Variants in CHRM3 observed in about 807,000 individuals in gnomAD.
CHRM3 encodes muscarinic acetylcholine receptor M3.
A neutral mutation model predicts 41.8 loss-of-function variants in CHRM3; 11 were observed. That is an observed-to-expected ratio of 0.26 (90% confidence interval 0.17 to 0.44). The LOEUF (loss-of-function observed/expected upper bound fraction) is 0.44, where lower values mean the gene tolerates loss of function less well. Among genes scored for constraint, CHRM3 ranks in the 20% least tolerant of loss-of-function variants. The pLI is 1.00. For missense variants in CHRM3, 571 were observed against 745.4 expected, an observed-to-expected ratio of 0.77 and a Z score of 2.72; for synonymous variants, 297 against 301.4, an observed-to-expected ratio of 0.99 and a Z score of 0.15.
At chr1:239,866,325 T>A (rs575718637) in intron 6 of CHRM3, among the ~76,000 whole-genome samples, 2 of 151,598 alleles carry the variant, frequency 1.3e-5, no homozygotes, top group Non-Finnish European at 2.9e-5. Context: ...TGCAGTGAGC[T>A]GAGATCGGAG....
chr1:239,762,602 C>T (rs543527970), intron 5 of CHRM3, among the ~76,000 whole-genome samples: 1 of 152,088 alleles, frequency 6.6e-6, no homozygotes, highest in Non-Finnish European at 1.5e-5. Flanking sequence ...TGCTTTCTCC[C>T]CTGTAGTTTT....
At chr1:239,533,985 T>C (rs994711757) in intron 2 of CHRM3, among the ~76,000 whole-genome samples, 1 of 152,088 alleles carries the variant, frequency 6.6e-6, no homozygotes, top group African/African-American at 2.4e-5. Context: ...TTGCTAGTTA[T>C]GGGGAGGCTC....
chr1:239,774,445 G>A (rs1667938371), intron 5 of CHRM3, among the ~76,000 whole-genome samples: 3 of 152,100 alleles, frequency 2.0e-5, no homozygotes, highest in Admixed American at 2.0e-4. Context: ...TCAATGTGGG[G>A]AAAAGAAAGA....
chr1:239,794,440 G>C (rs1414824482), intron 5 of CHRM3, among the ~76,000 whole-genome samples: 1 of 145,130 alleles, frequency 6.9e-6, no homozygotes, highest in Non-Finnish European at 1.5e-5. Context: ...ATTTGGGTTA[G>C]ATGATTTACT....
intron 6 of CHRM3, among the ~76,000 whole-genome samples, chr1:239,899,251 T>C (rs1679275875): frequency 6.6e-6 from 1 of 151,444 alleles, no homozygotes; most frequent in Non-Finnish European, 1.5e-5. Context: ...ATTGGCCCAC[T>C]AATTGGCTCT....
chr1:239,533,750 A>C (rs1657912691), intron 2 of CHRM3, among the ~76,000 whole-genome samples: 2 of 74,136 alleles, frequency 2.7e-5, no homozygotes, highest in Non-Finnish European at 5.6e-5. Flanking sequence ...AAAAAAAAAA[A>C]CAAAAAAACC....
At chr1:239,827,069 C>T (rs992925176) in intron 5 of CHRM3, 183 bp from the exon 6 acceptor site, 20 of 152,320 alleles carry the variant, frequency 1.3e-4, no homozygotes, top group African/African-American at 4.6e-4. Flanking sequence ...CAGAACCAAA[C>T]ATTAACACTT....
At chr1:239,839,110 T>C (rs965381524) in intron 6 of CHRM3, among the ~76,000 whole-genome samples, 2 of 152,182 alleles carry the variant, frequency 1.3e-5, no homozygotes, top group Admixed American at 6.5e-5. Flanking sequence ...CAAAATACTT[T>C]TTCCTCCAAA....
At chr1:239,418,715 C>A (rs1661699452) in intron 1 of CHRM3, among the ~76,000 whole-genome samples, 1 of 152,172 alleles carries the variant, frequency 6.6e-6, no homozygotes, top group Non-Finnish European at 1.5e-5. Flanking sequence ...ATTCTCTTTG[C>A]CCTCAAAGTG....
intron 1 of CHRM3, among the ~76,000 whole-genome samples, chr1:239,466,754 G>A (rs756285827): frequency 3.3e-5 from 5 of 151,966 alleles, no homozygotes; most frequent in Middle Eastern, 3.2e-3. Context: ...ATGAGCCACC[G>A]TATCTAGCCG....
At chr1:239,631,122 A>G (rs971081128) in intron 3 of CHRM3, among the ~76,000 whole-genome samples, 2 of 152,204 alleles carry the variant, frequency 1.3e-5, no homozygotes, top group Admixed American at 1.3e-4. Context: ...TCTCAAACTG[A>G]AGAAGGAGCA....
intron 3 of CHRM3, among the ~76,000 whole-genome samples, chr1:239,571,616 G>T (rs1194048582): frequency 6.6e-6 from 1 of 152,078 alleles, no homozygotes; most frequent in Non-Finnish European, 1.5e-5. Flanking sequence ...ATTCCCTGTG[G>T]CCCTTACAGC....
chr1:239,665,010 T>C (rs1001878373), intron 4 of CHRM3, among the ~76,000 whole-genome samples: 2 of 152,038 alleles, frequency 1.3e-5, no homozygotes, highest in African/African-American at 4.8e-5. Context: ...AGCAGATCTG[T>C]CTCTGTGTGC....
chr1:239,803,137 A>G (rs1414655783), intron 5 of CHRM3, among the ~76,000 whole-genome samples: 1 of 152,148 alleles, frequency 6.6e-6, no homozygotes, highest in Non-Finnish European at 1.5e-5. Flanking sequence ...TGGGGGTAAC[A>G]TGGTGAAGGC....
intron 1 of CHRM3, among the ~76,000 whole-genome samples, chr1:239,428,383 G>T (rs1420217208): frequency 1.3e-5 from 2 of 152,222 alleles, no homozygotes; most frequent in African/African-American, 2.4e-5. Flanking sequence ...GCAAAATATG[G>T]CCTGGCTGTG....
At chr1:239,419,608 A>G (rs1439947131) in intron 1 of CHRM3, among the ~76,000 whole-genome samples, 1 of 152,218 alleles carries the variant, frequency 6.6e-6, no homozygotes, top group Non-Finnish European at 1.5e-5. Context: ...AAGAGGGCTC[A>G]GACCGTGTAT....
chr1:239,413,314 G>A (rs1437116618), intron 1 of CHRM3, among the ~76,000 whole-genome samples: 2 of 152,122 alleles, frequency 1.3e-5, no homozygotes, highest in South Asian at 2.1e-4. Flanking sequence ...TATTGAGACC[G>A]AGTCTCACTC....
intron 1 of CHRM3, among the ~76,000 whole-genome samples, chr1:239,441,796 T>C (rs529134556): frequency 6.6e-6 from 1 of 152,360 alleles, no homozygotes; most frequent in Non-Finnish European, 1.5e-5. Context: ...AAACCTGCTG[T>C]GACCAATTTG....
In CHRM3 at chr1:239,467,927, A is replaced by C. The variant is rs375076772; in HGVS notation, c.-520-24782A>C. 5.3e-5 allele frequency among the ~76,000 whole-genome samples: 8 copies of C among 152,040 alleles called. No homozygotes were observed. The East Asian group carries it at 7.8e-4, about 15-fold the overall frequency. ...CCCCCCCAACGTTATTCCAAGAGGA[A>C]AAGATGACAAAATGTAATCATTTGT... On this transcript the variant is annotated intron_variant, in intron 1 of 6. Coordinates refer to ENST00000676153, the MANE Select transcript of CHRM3 (RefSeq NM_001375978.1).
Sources: gnomAD v4.1 joint callset for allele counts (sites outside exome capture counted in the v4.1 genomes callset) on GRCh38, gnomAD v4.1.1 for gene constraint, MANE v1.5 for transcripts, NCBI Gene and HGNC (gene_info 2026-07-23, HGNC 2026-07-21) for gene names.